MALRD1: variants seen among roughly 807,000 people sequenced by gnomAD.
MALRD1 encodes MAM and LDL-receptor class A domain-containing protein 1.
Under a neutral mutation model 242.1 loss-of-function variants are expected in MALRD1, and 247 were observed. That is an observed-to-expected ratio of 1.02 (90% CI 0.92 to 1.13). MALRD1 has a LOEUF of 1.13. Ranked by LOEUF, MALRD1 falls within the 50% of genes most tolerant of loss-of-function variation. MALRD1 has a pLI of 0.00. For missense variants in MALRD1, 2,989 were observed against 2,533.1 expected, an observed-to-expected ratio of 1.18 and a Z score of -3.86; for synonymous variants, 995 against 866.6, an observed-to-expected ratio of 1.15 and a Z score of -2.60.
chr10:19,118,416 G>GA (rs1440386540), intron 5 of MALRD1, among the ~76,000 whole-genome samples: 5 of 152,166 alleles, frequency 3.3e-5, no homozygotes, highest in African/African-American at 1.2e-4. Flanking sequence ...GTTGAGTTTA[G>GA]AAAGGCAGAA....
chr10:19,342,100 G>C (rs991613729), intron 24 of MALRD1, among the ~76,000 whole-genome samples: 1 of 152,016 alleles, frequency 6.6e-6, no homozygotes, highest in African/African-American at 2.4e-5. Context: ...TTTATATTAC[G>C]TATATTATTT....
intron 13 of MALRD1, among the ~76,000 whole-genome samples, chr10:19,172,974 T>C (rs1835075447): frequency 6.6e-6 from 1 of 152,058 alleles, no homozygotes; most frequent in Non-Finnish European, 1.5e-5. Flanking sequence ...TAGTTTAAGA[T>C]TCTACAGAAA....
At chr10:19,729,592 C>CGTGTGTGTGT (rs113756414) in intron 38 of MALRD1, among the ~76,000 whole-genome samples, 41 of 144,232 alleles carry the variant, frequency 2.8e-4, no homozygotes, top group African/African-American at 1.0e-3. Flanking sequence ...AGGATCCTTT[C>CGTGTGTGTGT]GTGTGTGTGT....
intron 26 of MALRD1, among the ~76,000 whole-genome samples, chr10:19,353,775 A>G (rs975759125): frequency 2.6e-5 from 4 of 152,226 alleles, no homozygotes; most frequent in Non-Finnish European, 5.9e-5. Context: ...TAGGTCTTAT[A>G]TAAGTCTGGT....
intron 18 of MALRD1, among the ~76,000 whole-genome samples, chr10:19,233,268 G>A (rs1838161298): frequency 1.3e-5 from 2 of 152,122 alleles, no homozygotes; most frequent in East Asian, 1.9e-4. Context: ...TTGGGAGGCC[G>A]AGGTGGGCGG....
intron 26 of MALRD1, among the ~76,000 whole-genome samples, chr10:19,369,524 A>G (rs1845273291): frequency 1.3e-5 from 2 of 149,092 alleles, no homozygotes; most frequent in Non-Finnish European, 3.0e-5. Context: ...AAATTTAAAT[A>G]TATGTAAATA....
intron 18 of MALRD1, among the ~76,000 whole-genome samples, chr10:19,242,559 C>A (rs181331620): frequency 3.3e-5 from 5 of 152,134 alleles, no homozygotes; most frequent in South Asian, 2.1e-4. Flanking sequence ...CTATCTCTAC[C>A]TTTAAATCTA....
chr10:19,487,546 A>T, intron 29 of MALRD1, among the ~76,000 whole-genome samples: 1 of 151,274 alleles, frequency 6.6e-6, no homozygotes. Flanking sequence ...ATAAAAGCCA[A>T]AGAACCAACT....
intron 21 of MALRD1, among the ~76,000 whole-genome samples, chr10:19,294,344 A>G (rs1356235376): frequency 6.6e-6 from 1 of 152,200 alleles, no homozygotes; most frequent in Non-Finnish European, 1.5e-5. Context: ...GTGAGGCAAG[A>G]ACTTGAACAA....
At chr10:19,622,144 A>C (rs894901226) in intron 36 of MALRD1, among the ~76,000 whole-genome samples, 93 of 151,336 alleles carry the variant, frequency 6.1e-4, no homozygotes, top group African/African-American at 2.2e-3. Flanking sequence ...GATATTTCAT[A>C]TTGTACTGGA....
intron 29 of MALRD1, among the ~76,000 whole-genome samples, chr10:19,472,700 T>C (rs11010094): frequency 0.12 from 18,308 of 151,862 alleles, 1,176 homozygotes; most frequent in African/African-American, 0.16. Flanking sequence ...CAATTGTTAA[T>C]AGTAGTATCA....
intron 38 of MALRD1, among the ~76,000 whole-genome samples, chr10:19,694,322 A>G (rs538460724): frequency 5.9e-5 from 9 of 152,288 alleles, no homozygotes; most frequent in African/African-American, 1.7e-4. Flanking sequence ...TTTGCAATCT[A>G]CTCATCTGAC....
intron 12 of MALRD1, among the ~76,000 whole-genome samples, chr10:19,163,137 T>A (rs72790783): frequency 0.11 from 4,704 of 43,776 alleles, 324 homozygotes; most frequent in Non-Finnish European, 0.12. Flanking sequence ...AAACCCTGTC[T>A]AAAAAAAAAA....
chr10:19,205,589 A>G (rs1046373284), intron 17 of MALRD1, among the ~76,000 whole-genome samples: 4 of 152,078 alleles, frequency 2.6e-5, no homozygotes, highest in Non-Finnish European at 5.9e-5. Context: ...AGGAGCGATG[A>G]AGAAGAGTGC....
intron 26 of MALRD1, among the ~76,000 whole-genome samples, chr10:19,369,583 A>G (rs1845277900): frequency 6.7e-6 from 1 of 149,378 alleles, no homozygotes; most frequent in South Asian, 2.1e-4. Context: ...ATGTGAATAT[A>G]TCCATATAAA....
Position 19,384,018 on chromosome 10 carries a change from G to T in MALRD1, c.4442-3510G>T, listed in dbSNP as rs151032993. Among the ~76,000 whole-genome samples the T allele has an allele frequency of 1.0e-3, 154 of 151,842 alleles. 1 individual carries two copies. In the East Asian group the frequency reaches 0.023, roughly 23 times the overall value. ...GGAATCCTAAGAAAAAAGACTTAAGGTCTGAATGATAATTCTGGTATTGGA... is the reference window on the plus strand; with the variant it reads ...GGAATCCTAAGAAAAAAGACTTAAGTTCTGAATGATAATTCTGGTATTGGA... On this transcript the variant is annotated intron_variant, in intron 26 of 39. Transcript: ENST00000454679.
Position 19,155,072 on chromosome 10 carries a change from C to T in MALRD1, c.1559-3C>T, listed in dbSNP as rs1834090198. ...CCCTATGACTTTCCCTTTGTTTTTT[C>T]AGGATCGTTTATTTATTTGGAGGCA... On this transcript the variant is annotated splice_region_variant and splice_polypyrimidine_tract_variant and intron_variant, in intron 11 of 39. Coordinates refer to ENST00000454679, the MANE Select transcript of MALRD1 (RefSeq NM_001142308.3). 2.0e-5 allele frequency: 25 copies of T among 1,230,900 alleles called. No individual in the cohort carries two copies. The highest frequency in any genetic ancestry group is 2.3e-5 in the Non-Finnish European group (23 of 987,490). 76.2% of individuals were successfully genotyped at this position (1,230,900 alleles called of 1,614,324 possible).
intron 18 of MALRD1, among the ~76,000 whole-genome samples, chr10:19,257,198 G>T (rs1045937448): frequency 6.6e-6 from 1 of 152,070 alleles, no homozygotes. Context: ...TACAGAATCA[G>T]TGTCATGTGA....
intron 18 of MALRD1, among the ~76,000 whole-genome samples, chr10:19,256,474 G>A (rs1439854859): frequency 6.6e-6 from 1 of 151,996 alleles, no homozygotes; most frequent in Non-Finnish European, 1.5e-5. Flanking sequence ...GTGGGAAAAA[G>A]GATGCATTTT....
Sources: allele counts gnomAD v4.1 joint callset (sites outside exome capture counted in the v4.1 genomes callset), GRCh38; gene constraint gnomAD v4.1.1; transcripts MANE v1.5; gene names NCBI Gene and HGNC (gene_info 2026-07-23, HGNC 2026-07-21).